The following CFAP53 variants were observed in gnomAD, a reference collection of about 807,000 sequenced individuals.
CFAP53 encodes cilia and flagella associated protein 53, also known as cilia- and flagella-associated protein 53.
A neutral mutation model predicts 59.7 loss-of-function variants in CFAP53; 62 were observed. That is an observed-to-expected ratio of 1.04 (90% CI 0.85 to 1.28). The LOEUF is 1.28. Ranked by LOEUF, CFAP53 falls within the 50% of genes most tolerant of loss-of-function variation. The pLI, the probability that CFAP53 is intolerant of heterozygous loss-of-function variation, is 0.00. For missense variants in CFAP53, 629 were observed against 615.6 expected, an observed-to-expected ratio of 1.02 and a Z score of -0.23; for synonymous variants, 218 against 205.7, an observed-to-expected ratio of 1.06 and a Z score of -0.51.
At chr18:50,236,294 C>T (rs1329826509) in intron 7 of CFAP53, among the ~76,000 whole-genome samples, 1 of 152,162 alleles carries the variant, frequency 6.6e-6, no homozygotes, top group Non-Finnish European at 1.5e-5. Flanking sequence ...AGTTTTCCTA[C>T]TTTCTCTAGT....
chr18:50,253,739 T>C (rs2033822494), intron 3 of CFAP53, among the ~76,000 whole-genome samples: 1 of 152,200 alleles, frequency 6.6e-6, no homozygotes, highest in African/African-American at 2.4e-5. Flanking sequence ...CCATTTCATA[T>C]GTGGTAGAAC....
At chr18:50,253,173 C>A (rs112354355) in intron 3 of CFAP53, among the ~76,000 whole-genome samples, 1 of 152,162 alleles carries the variant, frequency 6.6e-6, no homozygotes, top group East Asian at 1.9e-4. Flanking sequence ...CCCACCACCA[C>A]GCCTGGAGAA....
chr18:50,261,251 C>CAAAA lies in CFAP53; in HGVS notation c.300-15_300-14insTTTT. On this transcript the variant is annotated splice_polypyrimidine_tract_variant and intron_variant, in intron 2 of 7. Coordinates refer to ENST00000398545, the MANE Select transcript of CFAP53 (RefSeq NM_145020.5). ...AGCTCACGTAGCCTGAAACAAAAAGCCAAAAAAAAAAAAAAAAAAAGAAAA... is the reference window on the plus strand; with the variant it reads ...AGCTCACGTAGCCTGAAACAAAAAGCAAAACAAAAAAAAAAAAAAAAAAAGAAAA... 9.0e-7 allele frequency: 1 copy of CAAAA among 1,110,786 alleles called. No homozygotes were observed. Among genetic ancestry groups the CAAAA allele is most frequent in the Non-Finnish European group, 1.1e-6 (1 of 918,522 alleles). 68.8% of individuals were successfully genotyped at this position (1,110,786 alleles called of 1,614,324 possible).
rs1055095415 is a variant in CFAP53, at chr18:50,241,816, C to G, written c.1213+1084G>C. 3.9e-5 allele frequency among the ~76,000 whole-genome samples: 6 copies of G among 152,146 alleles called. No homozygotes were observed. In the East Asian group the frequency reaches 1.2e-3, roughly 29 times the overall value. On this transcript the variant is annotated intron_variant, in intron 6 of 7. Coordinates refer to ENST00000398545, the MANE Select transcript of CFAP53 (RefSeq NM_145020.5). The stretch of plus-strand genomic sequence containing the variant: ...TGATGAGGGTCTGCGTCCCACTGTG[C>G]ACGCATTGTCTTGATAAACATCTTA...
intron 7 of CFAP53, among the ~76,000 whole-genome samples, chr18:50,231,367 C>T (rs1291866008): frequency 6.6e-6 from 1 of 152,190 alleles, no homozygotes; most frequent in African/African-American, 2.4e-5. Context: ...CACTGCTCAC[C>T]CACATTTTGG....
At chr18:50,250,110 T>A (rs969072580) in intron 5 of CFAP53, among the ~76,000 whole-genome samples, 1 of 151,564 alleles carries the variant, frequency 6.6e-6, no homozygotes, top group Non-Finnish European at 1.5e-5. Context: ...TCCCAGCTAC[T>A]CGGGAGGCTG....
intron 7 of CFAP53, among the ~76,000 whole-genome samples, chr18:50,230,791 G>T (rs1413849535): frequency 6.6e-6 from 1 of 152,160 alleles, no homozygotes; most frequent in Non-Finnish European, 1.5e-5. Flanking sequence ...CAGAGAATTT[G>T]TTGTTGGGGT....
chr18:50,260,478 A>G (rs1390601349), intron 3 of CFAP53, among the ~76,000 whole-genome samples: 1 of 152,152 alleles, frequency 6.6e-6, no homozygotes, highest in Non-Finnish European at 1.5e-5. Flanking sequence ...CCTGCGCAAC[A>G]TGACGAAACC....
chr18:50,227,727 G>A, intron 7 of CFAP53, 118 bp from the exon 8 acceptor site: 2 of 758,876 alleles, frequency 2.6e-6, no homozygotes, highest in Non-Finnish European at 4.3e-6. Context: ...TAAAATCAGG[G>A]TGAGTGGAGA....
At chr18:50,237,145 AAAT>A (rs1443787202) in intron 7 of CFAP53, among the ~76,000 whole-genome samples, 1 of 149,854 alleles carries the variant, frequency 6.7e-6, no homozygotes, top group Non-Finnish European at 1.5e-5. Context: ...TCTCTACTAA[AAAT>A]AATAAAAATT....
intron 3 of CFAP53, among the ~76,000 whole-genome samples, chr18:50,259,734 A>AT (rs2033874812): frequency 6.6e-6 from 1 of 151,724 alleles, no homozygotes; most frequent in African/African-American, 2.4e-5. Flanking sequence ...CGCCCGGCCA[A>AT]TTTTTTTATT....
rs1367665121 is a variant in CFAP53 at position 50,252,381 on chromosome 18, G to A, written c.474-597C>T. 2.0e-5 allele frequency among the ~76,000 whole-genome samples: 3 copies of A among 152,050 alleles called. No homozygotes were observed. In the East Asian group the frequency reaches 5.8e-4, roughly 29 times the overall value. ...AGCCTCCCAAAGTGCTGGGATTAGA[G>A]GCGTGAGCCACCGTACCCAGCTGCT... is the stretch of plus-strand genomic sequence containing the variant. On this transcript the variant is annotated intron_variant, in intron 3 of 7. Transcript: ENST00000398545.
At chr18:50,229,720 C>G (rs1441725124) in intron 7 of CFAP53, among the ~76,000 whole-genome samples, 1 of 143,598 alleles carries the variant, frequency 7.0e-6, no homozygotes, top group Non-Finnish European at 1.5e-5. Flanking sequence ...TCTTTGTAGT[C>G]TCTTTCTTTT....
At chr18:50,260,208 G>A (rs1174299177) in intron 3 of CFAP53, among the ~76,000 whole-genome samples, 1 of 152,182 alleles carries the variant, frequency 6.6e-6, no homozygotes, top group African/African-American at 2.4e-5. Context: ...AAGGGATACA[G>A]AGGCAACCAC....
intron 7 of CFAP53, among the ~76,000 whole-genome samples, chr18:50,229,072 A>G (rs1393464609): frequency 3.3e-5 from 5 of 152,242 alleles, no homozygotes; most frequent in African/African-American, 1.2e-4. Flanking sequence ...TGGGCAACAG[A>G]GCAAGACCTT....
chr18:50,242,960 C>A lies in CFAP53; in HGVS notation c.1153G>T (p.Ala385Ser), dbSNP rs548963057. ...ACCTCATCCACAAGCTGTCTCCTTGCCTCCTTTTCAAGTCTCAGCTCCTTG... is the reference window on the plus strand; with the variant it reads ...ACCTCATCCACAAGCTGTCTCCTTGACTCCTTTTCAAGTCTCAGCTCCTTG... ...KDKELRLEKE[A>S]RRQLVDEVMC... The change falls in exon 6 of 8, where the codon GCA becomes TCA. Residue 385 changes from alanine (A) to serine (S), a missense_variant. Physicochemically the swap from Ala to Ser is moderately conservative, Grantham distance 99. Transcript: ENST00000398545. 4.8e-5 allele frequency: 77 copies of A among 1,614,038 alleles called. No individual in the cohort carries two copies. The South Asian group carries it at 8.0e-4, about 17-fold the overall frequency.
chr18:50,262,737 T>C (rs142233711), intron 1 of CFAP53, among the ~76,000 whole-genome samples: 4 of 152,176 alleles, frequency 2.6e-5, no homozygotes, highest in Middle Eastern at 3.2e-3. Context: ...TATACATGTA[T>C]ATGTGTGTGT....
At position 50,227,593 on chromosome 18, in the gene CFAP53, G is replaced by A. The variant is rs954793596; in HGVS notation, c.1333C>T (p.Gln445Ter). The A allele has an allele frequency of 4.3e-6, 7 of 1,613,800 alleles. No homozygotes were observed. Among genetic ancestry groups the A allele is most frequent in the Non-Finnish European group, 5.9e-6 (7 of 1,179,772 alleles). ...ATCTGAAGTTGCTTCCTGTACTCCT[G>A]GGCTAAACGTTGGCGTCTAAAGTAT... Reference protein sequence around the residue: ...ENFARRQRLAQEYRKQLQMQI... With the variant: ...ENFARRQRLA The change falls in exon 8 of 8, where the codon CAG becomes TAG. Residue 445 changes from glutamine to a stop codon, truncating the protein, a stop_gained. Transcript: ENST00000398545. LOFTEE classifies it low-confidence loss of function (END_TRUNC).
intron 7 of CFAP53, among the ~76,000 whole-genome samples, chr18:50,237,385 T>TAC (rs1201647226): frequency 9.0e-4 from 6 of 6,692 alleles, no homozygotes; most frequent in East Asian, 3.8e-3. Flanking sequence ...CACACACACA[T>TAC]ACACACACAC....
Sources: allele counts gnomAD v4.1 joint callset (sites outside exome capture counted in the v4.1 genomes callset), GRCh38; gene constraint gnomAD v4.1.1; transcripts MANE v1.5; gene names NCBI Gene and HGNC (gene_info 2026-07-23, HGNC 2026-07-21).